OAS3: variants seen among roughly 807,000 people sequenced by gnomAD.
OAS3 encodes the protein 2'-5'-oligoadenylate synthase 3.
A neutral mutation model predicts 113.0 loss-of-function variants in OAS3; 107 were observed. That is an observed-to-expected ratio of 0.95 (90% CI 0.81 to 1.11). The LOEUF (loss-of-function observed/expected upper bound fraction) is 1.11. Among genes scored for constraint, OAS3 ranks in the 50% most tolerant of loss-of-function variants. The pLI is 0.00. For missense variants in OAS3, 1,258 were observed against 1,389.1 expected (o/e 0.91, Z 1.50); for synonymous variants, 552 against 573.6 (o/e 0.96, Z 0.54).
chr12:112,960,522 G>A (rs1333353021), intron 7 of OAS3, among the ~76,000 whole-genome samples: 1 of 152,084 alleles, frequency 6.6e-6, no homozygotes, highest in African/African-American at 2.4e-5. Flanking sequence ...GGAAGATAAC[G>A]TTAATAATAG....
chr12:112,969,194 T>C lies in OAS3; in HGVS notation c.3105-414T>C, dbSNP rs150320678. On this transcript the variant is annotated intron_variant, in intron 14 of 15. Transcript: ENST00000228928. ...TTTTGGATTTTCAAATTAGGGATTC[T>C]TAACTGGTAAGTAAGGCAAAGGTCC... 1,093 of 170,738 alleles carry C rather than the reference T, an allele frequency of 6.4e-3. 8 individuals are homozygous for C. Among genetic ancestry groups the C allele is most frequent in the Middle Eastern group, 0.024 (8 of 338 alleles). The allele number at this position is 170,738 out of a possible 1,614,324, so 10.6% of individuals were successfully genotyped here.
Position 112,964,265 on chromosome 12 carries a change from G to A in OAS3, c.2260G>A (p.Asp754Asn). The change falls in exon 11 of 16, where the codon GAC becomes AAC. Residue 754 changes from aspartate (D) to asparagine (N), a missense_variant. Coordinates refer to ENST00000228928, the MANE Select transcript of OAS3 (RefSeq NM_006187.4). ...CCTCCTTTACCAAACCCCAGCTGGG[G>A]ACCTTGACAAGTTCATCAGTGAATT... The part of the protein sequence containing the change: ...PALLYQTPAG[D>N]LDKFISEFLQ... 4 of 1,600,260 alleles carry A rather than the reference G, an allele frequency of 2.5e-6. No individual in the cohort carries two copies. The highest frequency in any genetic ancestry group is 3.4e-6 in the Non-Finnish European group (4 of 1,173,122).
chr12:112,941,491 C>T, intron 1 of OAS3, 79 bp from the exon 2 acceptor site: 1 of 1,492,010 alleles, frequency 6.7e-7, no homozygotes, highest in South Asian at 1.3e-5. Flanking sequence ...GCACACTTGC[C>T]TCACTCAAGT....
Position 112,962,794 on chromosome 12 carries a change from T to C in OAS3, c.1976T>C (p.Leu659Pro). 6.2e-7 allele frequency: 1 copy of C among 1,614,050 alleles called. No homozygotes were observed. Among genetic ancestry groups the C allele is most frequent in the Non-Finnish European group, 8.5e-7 (1 of 1,179,912 alleles). Reference sequence around the variant, plus strand: ...ATGGCCCAAGGCTTCCGGACGGTGCTGGGGCTCGTGCAACAGCATCAGCAG... The same window carrying C: ...ATGGCCCAAGGCTTCCGGACGGTGCCGGGGCTCGTGCAACAGCATCAGCAG... The part of the protein sequence containing the change: ...FNMAQGFRTV[L>P]GLVQQHQQLC... Residue 659 changes from leucine to proline, a missense_variant, in exon 9 of 16, where the codon CTG becomes CCG. Physicochemically the swap from Leu to Pro is moderately conservative, Grantham distance 98. Transcript: ENST00000228928.
rs1186719770 is a variant in OAS3, at chr12:112,948,061, AG to A, written c.996del (p.Met333TrpfsTer27). The A allele has an allele frequency of 1.3e-6, 2 of 1,580,556 alleles. No homozygotes were observed. Among genetic ancestry groups the A allele is most frequent in the African/African-American group, 1.4e-5 (1 of 73,582 alleles). On this transcript the variant is annotated frameshift_variant, in exon 5 of 16. Transcript: ENST00000228928. LOFTEE classifies it high-confidence loss of function. ...ASCYDHPCFL[R>X]GMGDPVQSWK... ...CTGCTATGACCACCCATGCTTTCTG[AG>A]GGGGATGGGGGACCCAGTGCAGTCT...
chr12:112,966,534 T>C (rs1165337477), intron 12 of OAS3, among the ~76,000 whole-genome samples: 1 of 152,208 alleles, frequency 6.6e-6, no homozygotes, highest in Non-Finnish European at 1.5e-5. Context: ...TCTTCATATC[T>C]TTTCAACTCT....
In OAS3 at chr12:112,963,691, G is replaced by A. The variant is rs988736227; in HGVS notation, c.2229+234G>A. On this transcript the variant is annotated intron_variant, in intron 10 of 15. Coordinates refer to ENST00000228928, the MANE Select transcript of OAS3 (RefSeq NM_006187.4). The surrounding 1 kb of genome is among the most constrained non-coding windows in gnomAD (Gnocchi z 4.6). Reference sequence around the variant, plus strand: ...CCTAACTCTGTCTCCAGGCGGAACCGATTCTGTGATGCAACTCACGTTCCA... The same window carrying A: ...CCTAACTCTGTCTCCAGGCGGAACCAATTCTGTGATGCAACTCACGTTCCA... Among the ~76,000 whole-genome samples the A allele has an allele frequency of 2.6e-5, 4 of 152,176 alleles. No individual in the cohort carries two copies. The highest frequency in any genetic ancestry group is 4.4e-5 in the Non-Finnish European group (3 of 68,036).
intron 8 of OAS3, 90 bp downstream of exon 8, chr12:112,961,336 C>T: frequency 8.4e-7 from 1 of 1,189,850 alleles, no homozygotes; most frequent in Non-Finnish European, 1.2e-6. Flanking sequence ...CACATCTCCC[C>T]TCCTTTGCTT....
intron 2 of OAS3, chr12:112,942,441 T>A (rs1042137637): frequency 6.4e-6 from 1 of 157,154 alleles, no homozygotes; most frequent in African/African-American, 2.4e-5. Flanking sequence ...CCAGGCGCAG[T>A]GGCTCATGCC....
At chr12:112,941,903 A>G in intron 2 of OAS3, 51 bp downstream of exon 2, 1 of 1,608,888 alleles carries the variant, frequency 6.2e-7, no homozygotes, top group Non-Finnish European at 8.5e-7. Flanking sequence ...ATCATTGGGA[A>G]CAACACAGGA....
At position 112,961,078 on chromosome 12, in the gene OAS3, C is replaced by G; in HGVS notation, c.1665C>G (p.Leu555=). The part of the protein sequence containing the change: ...LLPAFDAVGQ[L]SSGTKPNPQV... ...TGTTTCAAACTTCTACAGGGCAGCT[C>G]AGTTCTGGCACCAAACCAAATCCCC... The change falls in exon 8 of 16, where the codon CTC becomes CTG. Residue 555 remains leucine, a synonymous_variant. Transcript: ENST00000228928. 6.2e-7 allele frequency: 1 copy of G among 1,613,264 alleles called. No individual in the cohort carries two copies. The highest frequency in any genetic ancestry group is 8.5e-7 in the Non-Finnish European group (1 of 1,179,642).
chr12:112,946,993 T>G lies in OAS3; in HGVS notation c.875+12T>G. On this transcript the variant is annotated intron_variant, in intron 4 of 15. Coordinates refer to ENST00000228928, the MANE Select transcript of OAS3 (RefSeq NM_006187.4). Reference sequence around the variant, plus strand: ...CTTAAGAGACCCAGGTACTTCCTAATAGCCCACCATCTGCTCTCCTGTCCC... The same window carrying G: ...CTTAAGAGACCCAGGTACTTCCTAAGAGCCCACCATCTGCTCTCCTGTCCC... 6.2e-7 allele frequency: 1 copy of G among 1,605,234 alleles called. No individual in the cohort carries two copies. The highest frequency in any genetic ancestry group is 8.5e-7 in the Non-Finnish European group (1 of 1,172,104).
Position 112,963,509 on chromosome 12 carries a change from C to A in OAS3, c.2229+52C>A, listed in dbSNP as rs372990643. 75 of 1,420,018 alleles carry A rather than the reference C, an allele frequency of 5.3e-5. 3 individuals carry two copies. In the South Asian group the frequency reaches 7.2e-4, roughly 14 times the overall value. The allele number at this position is 1,420,018 out of a possible 1,614,324, so 88.0% of individuals were successfully genotyped here. ...GGGGCCCTGCACCCTGCCTTCTAGT[C>A]AGGTTCCCTTAACCTGCCGGTGCAC... is the stretch of plus-strand genomic sequence containing the variant. On this transcript the variant is annotated intron_variant, in intron 10 of 15. Coordinates refer to ENST00000228928, the MANE Select transcript of OAS3 (RefSeq NM_006187.4). This position sits in a 1 kb window ranked among gnomAD's most constrained non-coding sequence, Gnocchi z 4.6.
intron 13 of OAS3, 126 bp from the exon 14 acceptor site, chr12:112,967,810 C>T: frequency 8.4e-7 from 1 of 1,187,122 alleles, no homozygotes; most frequent in African/African-American, 1.5e-5. Context: ...TAATGCATGG[C>T]AAGGCATCTG....
intron 1 of OAS3, among the ~76,000 whole-genome samples, chr12:112,939,521 G>A (rs1265370110): frequency 6.6e-6 from 1 of 151,908 alleles, no homozygotes; most frequent in African/African-American, 2.4e-5. Context: ...GAGTTTTGCC[G>A]TGTTGCCCAG....
intron 3 of OAS3, 35 bp from the exon 4 acceptor site, chr12:112,946,708 T>A: frequency 3.2e-6 from 5 of 1,554,574 alleles, no homozygotes; most frequent in Non-Finnish European, 4.4e-6. Flanking sequence ...CCTCCCCTTC[T>A]TCCTTCTGAG....
In OAS3 at chr12:112,949,088, C is replaced by T; in HGVS notation, c.1257C>T (p.Phe419=). The T allele has an allele frequency of 6.2e-7, 1 of 1,614,030 alleles. No homozygotes were observed. Among genetic ancestry groups the T allele is most frequent in the Non-Finnish European group, 8.5e-7 (1 of 1,179,898 alleles). ...TCCCCACCAAGGAGCTGGACCGCTTCATCCAGGACCACCTGAAGCCGAGCC... is the reference window on the plus strand; with the variant it reads ...TCCCCACCAAGGAGCTGGACCGCTTTATCCAGGACCACCTGAAGCCGAGCC... ...SQIPTKELDR[F]IQDHLKPSPQ... Residue 419 remains phenylalanine (F), a synonymous_variant, in exon 6 of 16, where the codon TTC becomes TTT. Coordinates refer to ENST00000228928, the MANE Select transcript of OAS3 (RefSeq NM_006187.4).
rs758715768 is a variant in OAS3 at position 112,965,787 on chromosome 12, A to G, written c.2447A>G (p.Asp816Gly). ...GGCACAGCTCTGCGAGGCCGCTCAG[A>G]TGCCGACCTCGTGGTGTTCCTCAGC... ...AKGTALRGRSDADLVVFLSCF... is the reference protein window; with the variant it reads ...AKGTALRGRSGADLVVFLSCF... The change falls in exon 12 of 16, where the codon GAT becomes GGT. Residue 816 changes from aspartate (D) to glycine (G), a missense_variant. Transcript: ENST00000228928. 1.9e-6 allele frequency: 3 copies of G among 1,613,524 alleles called. No homozygotes were observed. The highest frequency in any genetic ancestry group is 2.2e-5 in the South Asian group (2 of 91,010).
chr12:112,943,036 A>C (rs367785784), intron 2 of OAS3, among the ~76,000 whole-genome samples: 1 of 151,786 alleles, frequency 6.6e-6, no homozygotes, highest in South Asian at 2.1e-4. Flanking sequence ...CCTGGGTTCA[A>C]GCAATCCTCC....
Sources: gnomAD v4.1 joint callset for allele counts (sites outside exome capture counted in the v4.1 genomes callset) on GRCh38, gnomAD v4.1.1 for gene constraint, Gnocchi (gnomAD v3.1) non-coding constraint, MANE v1.5 for transcripts, NCBI Gene and HGNC (gene_info 2026-07-23, HGNC 2026-07-21) for gene names.